MND1: variants seen among roughly 807,000 people sequenced by gnomAD.
The protein encoded by MND1 is meiotic nuclear division protein 1 homolog.
A neutral mutation model predicts 35.1 loss-of-function variants in MND1; 28 were observed. The observed-to-expected ratio is 0.80, with a 90% CI of 0.59 to 1.09. MND1 has a LOEUF of 1.09. Ranked by LOEUF, MND1 falls within the 50% of genes least tolerant of loss-of-function variation. The pLI, the probability that MND1 is intolerant of heterozygous loss-of-function variation, is 0.00. For missense variants in MND1, 213 were observed against 239.6 expected, an observed-to-expected ratio of 0.89 and a Z score of 0.73; for synonymous variants, 69 against 70.5, an observed-to-expected ratio of 0.98 and a Z score of 0.11.
intron 4 of MND1, among the ~76,000 whole-genome samples, chr4:153,367,965 C>T (rs1579913346): frequency 1.3e-5 from 2 of 152,086 alleles, no homozygotes; most frequent in South Asian, 2.1e-4. Flanking sequence ...TGCTTCTTGG[C>T]CATTTGTATA....
intron 6 of MND1, among the ~76,000 whole-genome samples, chr4:153,402,156 C>A (rs1729362201): frequency 6.6e-6 from 1 of 152,108 alleles, no homozygotes; most frequent in Admixed American, 6.5e-5. Context: ...AGTCTCAAAA[C>A]AACAACAACA....
chr4:153,347,365 A>G (rs1163865643), intron 1 of MND1, among the ~76,000 whole-genome samples: 2 of 152,314 alleles, frequency 1.3e-5, no homozygotes, highest in East Asian at 1.9e-4. Context: ...GCCAGGCAAT[A>G]CATGATGTCA....
chr4:153,394,124 T>A (rs2149652952), intron 4 of MND1, 138 bp from the exon 5 acceptor site: 1 of 612,810 alleles, frequency 1.6e-6, no homozygotes, highest in Non-Finnish European at 2.9e-6. Context: ...TCTCCATCTC[T>A]TGACCTTGTG....
intron 4 of MND1, among the ~76,000 whole-genome samples, chr4:153,384,639 C>T (rs116655727): frequency 0.014 from 2,117 of 151,870 alleles, 49 homozygotes; most frequent in African/African-American, 0.049. Flanking sequence ...AGTTGAGGTA[C>T]TAGTCACTTG....
intron 6 of MND1, among the ~76,000 whole-genome samples, chr4:153,399,232 C>G (rs1213696327): frequency 1.3e-5 from 2 of 152,108 alleles, no homozygotes; most frequent in Non-Finnish European, 2.9e-5. Flanking sequence ...TGTCTAGGAC[C>G]TACAACTCTT....
At chr4:153,368,161 C>A (rs538534597) in intron 4 of MND1, among the ~76,000 whole-genome samples, 9 of 152,052 alleles carry the variant, frequency 5.9e-5, no homozygotes, top group Non-Finnish European at 1.2e-4. Context: ...CTGAACTTCC[C>A]TGTCTTCATG....
chr4:153,378,554 A>G (rs1479017994), intron 4 of MND1, among the ~76,000 whole-genome samples: 1 of 152,216 alleles, frequency 6.6e-6, no homozygotes. Context: ...CATTCAACCC[A>G]TTTTTATGAG....
At chr4:153,349,979 T>C (rs1773172403) in intron 1 of MND1, 85 bp from the exon 2 acceptor site, 1 of 889,396 alleles carries the variant, frequency 1.1e-6, no homozygotes, top group African/African-American at 1.7e-5. Context: ...GATAAGACCA[T>C]GCATAAAATT....
intron 4 of MND1, among the ~76,000 whole-genome samples, chr4:153,390,269 G>T (rs1215843960): frequency 1.3e-5 from 2 of 152,146 alleles, no homozygotes; most frequent in Non-Finnish European, 2.9e-5. Flanking sequence ...GAACTACGCA[G>T]TGAGCCAAGA....
In MND1 at chr4:153,412,950, G is replaced by A. The variant is rs190242061; in HGVS notation, c.512-1801G>A. 4.3e-4 allele frequency among the ~76,000 whole-genome samples: 65 copies of A among 151,936 alleles called. No homozygotes were observed. In the East Asian group the frequency reaches 0.011, roughly 26 times the overall value. ...CTCTGGAATAGCTGGGACTACAGGC[G>A]CACACCACCATGTCCAGCTAATCTT... On this transcript the variant is annotated intron_variant, in intron 7 of 7. Coordinates refer to ENST00000240488, the MANE Select transcript of MND1 (RefSeq NM_032117.4).
chr4:153,398,318 T>A (rs958936034), intron 6 of MND1, among the ~76,000 whole-genome samples: 1 of 152,200 alleles, frequency 6.6e-6, no homozygotes, highest in Non-Finnish European at 1.5e-5. Flanking sequence ...GTGAAACTCA[T>A]AGAAAAACTG....
chr4:153,385,628 A>G (rs375190502), intron 4 of MND1, among the ~76,000 whole-genome samples: 17 of 145,624 alleles, frequency 1.2e-4, no homozygotes, highest in East Asian at 4.3e-4. Context: ...AGGTGGGAGG[A>G]TTGCTTGAGC....
chr4:153,384,771 C>T (rs1466935092), intron 4 of MND1, among the ~76,000 whole-genome samples: 1 of 152,008 alleles, frequency 6.6e-6, no homozygotes, highest in African/African-American at 2.4e-5. Context: ...TTCACTTGTC[C>T]TTTATGTTTC....
intron 6 of MND1, among the ~76,000 whole-genome samples, chr4:153,405,399 C>T (rs565249472): frequency 1.3e-5 from 2 of 151,894 alleles, no homozygotes; most frequent in East Asian, 1.9e-4. Flanking sequence ...ATTAGCCAGG[C>T]GTGGTGGGTG....
chr4:153,414,657 A>C, intron 7 of MND1, 94 bp from the exon 8 acceptor site: 4 of 526,724 alleles, frequency 7.6e-6, no homozygotes, highest in Non-Finnish European at 1.3e-5. Context: ...TCTGAAAGTT[A>C]ATAGAAGGAA....
chr4:153,392,449 A>G (rs1054979390), intron 4 of MND1, among the ~76,000 whole-genome samples: 3 of 152,156 alleles, frequency 2.0e-5, no homozygotes, highest in African/African-American at 7.2e-5. Flanking sequence ...AATTAAATCT[A>G]TCCAATTATT....
At chr4:153,359,476 C>A (rs1579902280) in intron 4 of MND1, among the ~76,000 whole-genome samples, 1 of 152,182 alleles carries the variant, frequency 6.6e-6, no homozygotes, top group Non-Finnish European at 1.5e-5. Context: ...TGGGCAGTTA[C>A]AAATAAAGCT....
At chr4:153,360,962 C>G (rs1773475468) in intron 4 of MND1, among the ~76,000 whole-genome samples, 1 of 152,140 alleles carries the variant, frequency 6.6e-6, no homozygotes, top group Non-Finnish European at 1.5e-5. Context: ...GCCTCAGCCT[C>G]CTGAGTAGCT....
intron 5 of MND1, among the ~76,000 whole-genome samples, chr4:153,396,784 T>C (rs1729207993): frequency 6.6e-6 from 1 of 152,084 alleles, no homozygotes; most frequent in Non-Finnish European, 1.5e-5. Flanking sequence ...TTCTTAAAAA[T>C]TGAAAAATTG....
Sources: gnomAD v4.1 joint callset for allele counts (sites outside exome capture counted in the v4.1 genomes callset) on GRCh38, gnomAD v4.1.1 for gene constraint, MANE v1.5 for transcripts, NCBI Gene and HGNC (gene_info 2026-07-23, HGNC 2026-07-21) for gene names.